COL28A1: variants seen among roughly 807,000 people sequenced by gnomAD.
COL28A1 encodes the protein collagen type XXVIII alpha 1 chain.
COL28A1 carries 161 observed loss-of-function variants against 150.2 expected under a neutral mutation model. The observed-to-expected ratio is 1.07, with a 90% CI of 0.94 to 1.22. COL28A1 has a LOEUF of 1.22. Among genes scored for constraint, COL28A1 ranks in the 50% most tolerant of loss-of-function variants. The pLI is 0.00. For synonymous variants in COL28A1, 552 were observed against 469.7 expected (o/e 1.18, Z -2.26); for missense variants, 1,617 against 1,388.3 (o/e 1.16, Z -2.62).
rs1009664266 is a variant in COL28A1 at position 7,365,226 on chromosome 7, G to T, written c.3067-4698C>A. Among the ~76,000 whole-genome samples, 7 of 152,218 alleles carry T rather than the reference G, an allele frequency of 4.6e-5. No homozygotes were observed. In the South Asian group the frequency reaches 6.2e-4, roughly 13 times the overall value. ...TTGGTTACTTCTGGGTGGTGAGTAC[G>T]CAGTCAAATGTTTGTTTCTATTCTT... On this transcript the variant is annotated intron_variant, in intron 33 of 34. Transcript: ENST00000399429.
chr7:7,497,796 G>T (rs1266078292), intron 11 of COL28A1, among the ~76,000 whole-genome samples: 2 of 152,150 alleles, frequency 1.3e-5, no homozygotes, highest in Non-Finnish European at 2.9e-5. Context: ...CTACTTGGTT[G>T]TCACTTAATG....
At chr7:7,408,230 G>A (rs981117180) in intron 27 of COL28A1, among the ~76,000 whole-genome samples, 3 of 152,080 alleles carry the variant, frequency 2.0e-5, no homozygotes, top group Non-Finnish European at 2.9e-5. Flanking sequence ...ATTTTTGCAA[G>A]ATCAAAGACA....
At chr7:7,411,758 T>C (rs1422036750) in intron 27 of COL28A1, among the ~76,000 whole-genome samples, 1 of 152,226 alleles carries the variant, frequency 6.6e-6, no homozygotes, top group African/African-American at 2.4e-5. Flanking sequence ...TGAGTAATAC[T>C]GATGCTGTTT....
chr7:7,366,952 T>C (rs1249855789), intron 33 of COL28A1, among the ~76,000 whole-genome samples: 2 of 152,262 alleles, frequency 1.3e-5, no homozygotes, highest in African/African-American at 4.8e-5. Context: ...TATGTGTGTA[T>C]GTATATACTA....
intron 25 of COL28A1, chr7:7,431,755 C>G (rs1002862564): frequency 5.8e-5 from 21 of 359,770 alleles, no homozygotes; most frequent in Non-Finnish European, 1.0e-4. Context: ...AGAGGTGGAA[C>G]AGAGGGAAGA....
intron 13 of COL28A1, among the ~76,000 whole-genome samples, chr7:7,482,070 A>G (rs530944177): frequency 1.3e-5 from 2 of 152,374 alleles, no homozygotes; most frequent in East Asian, 1.9e-4. Context: ...TATTAATTCA[A>G]TCTATCAGCA....
chr7:7,473,465 G>A (rs574447284), intron 15 of COL28A1, among the ~76,000 whole-genome samples: 1 of 152,082 alleles, frequency 6.6e-6, no homozygotes, highest in Non-Finnish European at 1.5e-5. Context: ...TCAGAGAAAT[G>A]CAAATCAAAA....
chr7:7,497,081 GAAA>G (rs1780252199), intron 11 of COL28A1, among the ~76,000 whole-genome samples: 1 of 135,010 alleles, frequency 7.4e-6, no homozygotes, highest in African/African-American at 2.8e-5. Flanking sequence ...AAGGAAGGAA[GAAA>G]GGAAGGAAGA....
At chr7:7,397,288 G>C (rs1782893077) in intron 27 of COL28A1, among the ~76,000 whole-genome samples, 1 of 152,016 alleles carries the variant, frequency 6.6e-6, no homozygotes, top group East Asian at 1.9e-4. Context: ...TCATCACGAT[G>C]CATCTTCCAT....
intron 27 of COL28A1, among the ~76,000 whole-genome samples, chr7:7,400,330 GAGA>G (rs1341053425): frequency 1.6e-4 from 24 of 152,258 alleles, no homozygotes; most frequent in African/African-American, 5.8e-4. Flanking sequence ...ACAGACAGGA[GAGA>G]AGAAGGCCAA....
intron 33 of COL28A1, 105 bp downstream of exon 33, chr7:7,370,620 C>T (rs1009705792): frequency 3.4e-5 from 28 of 828,628 alleles, no homozygotes; most frequent in Non-Finnish European, 4.3e-5. Flanking sequence ...TAAAAATACA[C>T]GTGCCTCAGC....
intron 33 of COL28A1, among the ~76,000 whole-genome samples, chr7:7,363,772 A>G (rs1780794171): frequency 6.6e-6 from 1 of 152,050 alleles, no homozygotes; most frequent in African/African-American, 2.4e-5. Flanking sequence ...ATCATTCTAT[A>G]TATTTCACCA....
In COL28A1 at chr7:7,507,117, C is replaced by T; in HGVS notation, c.972G>A (p.Gln324=). 8.1e-7 allele frequency: 1 copy of T among 1,235,644 alleles called. No homozygotes were observed. The highest frequency in any genetic ancestry group is 1.2e-6 in the Non-Finnish European group (1 of 835,860). The allele number at this position is 1,235,644 out of a possible 1,614,324, so 76.5% of individuals were successfully genotyped here. A position where few individuals can be genotyped will look rare whatever the true frequency, so the allele number is the denominator to read the frequency against. The part of the protein sequence containing the change: ...PYGPKGPRGI[Q]GITGPPGDPG... ...TTAGATTTGGTTTTAACCCCCTTAC[C>T]TGAATTCCTCTGGGTCCCTTTGGTC... The change falls in exon 10 of 35, where the codon CAG becomes CAA. Residue 324 remains glutamine, a splice_region_variant and synonymous_variant. Transcript: ENST00000399429.
intron 9 of COL28A1, among the ~76,000 whole-genome samples, chr7:7,509,777 T>G (rs139240880): frequency 6.6e-6 from 1 of 152,230 alleles, no homozygotes; most frequent in African/African-American, 2.4e-5. Flanking sequence ...TCTTTGACTT[T>G]CATTTCTATT....
rs769305914 is a variant in COL28A1, at chr7:7,524,218, G to T, written c.702+11C>A. On this transcript the variant is annotated intron_variant, in intron 4 of 34. Coordinates refer to ENST00000399429, the MANE Select transcript of COL28A1 (RefSeq NM_001037763.3). ...GAGTAATTCGTAGTAATCAAAGCAT[G>T]TGGTGCTTACCTTCTTTTCAAATAA... The T allele has an allele frequency of 2.4e-6, 3 of 1,248,594 alleles. No individual in the cohort carries two copies. The highest frequency in any genetic ancestry group is 4.6e-5 in the East Asian group (2 of 43,272). 77.3% of individuals were successfully genotyped at this position (1,248,594 alleles called of 1,614,324 possible). A position where few individuals can be genotyped will look rare whatever the true frequency, so the allele number is the denominator to read the frequency against.
chr7:7,437,878 T>C (rs547205239), intron 21 of COL28A1, among the ~76,000 whole-genome samples: 9 of 152,366 alleles, frequency 5.9e-5, no homozygotes, highest in Middle Eastern at 6.8e-3. Flanking sequence ...TGTTGTTTTA[T>C]TTTAATGACC....
downstream of COL28A1, among the ~76,000 whole-genome samples, chr7:7,354,739 A>T (rs932925604): frequency 6.6e-6 from 1 of 152,186 alleles, no homozygotes; most frequent in East Asian, 1.9e-4. Flanking sequence ...TTACTTAATT[A>T]ATTAGCACCA....
intron 20 of COL28A1, among the ~76,000 whole-genome samples, chr7:7,443,329 G>C (rs1359100538): frequency 9.9e-5 from 15 of 152,156 alleles, no homozygotes; most frequent in Admixed American, 8.5e-4. Flanking sequence ...TTTTTTAAAT[G>C]TCAATCTGAC....
At chr7:7,401,096 A>C (rs1291531927) in intron 27 of COL28A1, among the ~76,000 whole-genome samples, 1 of 150,838 alleles carries the variant, frequency 6.6e-6, no homozygotes, top group Admixed American at 6.6e-5. Flanking sequence ...GTTCTCATCT[A>C]ATCAGCAGCA....
Sources: allele counts gnomAD v4.1 joint callset (sites outside exome capture counted in the v4.1 genomes callset), GRCh38; gene constraint gnomAD v4.1.1; transcripts MANE v1.5; gene names NCBI Gene and HGNC (gene_info 2026-07-23, HGNC 2026-07-21).